Variants in NEDD4L observed in about 807,000 individuals in gnomAD.
The protein encoded by NEDD4L is NEDD4 like E3 ubiquitin protein ligase.
A neutral mutation model predicts 148.9 loss-of-function variants in NEDD4L; 54 were observed. The observed-to-expected ratio is 0.36, with a 90% CI of 0.29 to 0.45. NEDD4L has a LOEUF of 0.45. NEDD4L is among the 20% of genes least tolerant of loss of function. The probability of loss-of-function intolerance (pLI) is 1.00; values close to 1 mark genes in which losing one functional copy is unlikely to be tolerated. For missense variants in NEDD4L, 856 were observed against 1,233.8 expected (o/e 0.69, Z 4.59); for synonymous variants, 433 against 440.7 (o/e 0.98, Z 0.22).
intron 2 of NEDD4L, chr18:58,195,811 G>C (rs752540307): frequency 1.1e-5 from 10 of 923,204 alleles, no homozygotes; most frequent in Non-Finnish European, 1.6e-5. Flanking sequence ...CTCTTACCGT[G>C]AATCCATTAG....
In NEDD4L at chr18:58,195,700, C is replaced by A. The variant is rs763644482; in HGVS notation, c.122+29839C>A. 31 of 1,352,096 alleles carry A rather than the reference C, an allele frequency of 2.3e-5. No individual in the cohort carries two copies. In the South Asian group the frequency reaches 3.2e-4, roughly 14 times the overall value. The allele number at this position is 1,352,096 out of a possible 1,614,324, so 83.8% of individuals were successfully genotyped here. A position where few individuals can be genotyped will look rare whatever the true frequency, so the allele number is the denominator to read the frequency against. ...CTAGACCTGCCTCTCTCTCCGCTCCCCACTTCAGACGAGCTCTTCCTGCCT... is the reference window on the plus strand; with the variant it reads ...CTAGACCTGCCTCTCTCTCCGCTCCACACTTCAGACGAGCTCTTCCTGCCT... On this transcript the variant is annotated intron_variant, in intron 2 of 30. Coordinates refer to ENST00000400345, the MANE Select transcript of NEDD4L (RefSeq NM_001144967.3).
intron 5 of NEDD4L, among the ~76,000 whole-genome samples, chr18:58,294,952 T>C (rs978559281): frequency 6.6e-6 from 1 of 152,250 alleles, no homozygotes; most frequent in Admixed American, 6.5e-5. Context: ...CTTTTTAAAC[T>C]GACTTTATTT....
rs2050709530 is a variant in NEDD4L at position 58,399,433 on chromosome 18, G to A, written c.*3164G>A. The A allele has an allele frequency of 6.6e-6, 1 of 152,210 alleles. No individual in the cohort carries two copies. Among genetic ancestry groups the A allele is most frequent in the Admixed American group, 6.5e-5 (1 of 15,274 alleles). The allele number at this position is 152,210 out of a possible 1,614,324, so 9.4% of individuals were successfully genotyped here. On this transcript the variant is annotated 3_prime_UTR_variant, in exon 31 of 31. Coordinates refer to ENST00000400345, the MANE Select transcript of NEDD4L (RefSeq NM_001144967.3). Reference sequence around the variant, plus strand: ...TATTCCCTAAATTCAGACAATGAGGGATACAGAGCGACTTGGCATGTATTA... The same window carrying A: ...TATTCCCTAAATTCAGACAATGAGGAATACAGAGCGACTTGGCATGTATTA...
At chr18:58,371,243 C>T (rs1290850882) in intron 23 of NEDD4L, among the ~76,000 whole-genome samples, 3 of 107,778 alleles carry the variant, frequency 2.8e-5, no homozygotes, top group Middle Eastern at 8.8e-3. Flanking sequence ...TTAGTAGAAA[C>T]GAGGTTTCGC....
intron 30 of NEDD4L, among the ~76,000 whole-genome samples, chr18:58,394,685 G>A (rs926140526): frequency 1.3e-5 from 2 of 152,230 alleles, no homozygotes; most frequent in African/African-American, 4.8e-5. Context: ...TTAGTGTTTA[G>A]TGGCTGTTAG....
intron 2 of NEDD4L, among the ~76,000 whole-genome samples, chr18:58,242,472 T>C (rs1341227280): frequency 6.6e-6 from 1 of 151,884 alleles, no homozygotes. Context: ...GCACCCGTTC[T>C]CCCCCTCTTC....
At chr18:58,355,882 A>G (rs894601588) in intron 18 of NEDD4L, among the ~76,000 whole-genome samples, 1 of 151,940 alleles carries the variant, frequency 6.6e-6, no homozygotes, top group African/African-American at 2.4e-5. Context: ...TATGGTCATT[A>G]AAACAGAATT....
At chr18:58,127,388 G>A (rs2031307503) in intron 1 of NEDD4L, among the ~76,000 whole-genome samples, 1 of 152,184 alleles carries the variant, frequency 6.6e-6, no homozygotes, top group Non-Finnish European at 1.5e-5. Context: ...GGTTCAGGAT[G>A]ATACCTTTGC....
Position 58,341,098 on chromosome 18 carries a change from G to C in NEDD4L, c.1186G>C (p.Asp396His). The change falls in exon 14 of 31, where the codon GAT (aspartate) becomes CAT (histidine). Residue 396 changes from aspartate (D) to histidine (H), a missense_variant. This residue lies in a region of NEDD4L where 367 missense variants were observed against 422.7 expected (regional missense o/e 0.87). Transcript: ENST00000400345. The part of the protein sequence containing the change: ...GLPSGWEERK[D>H]AKGRTYYVNH... Reference sequence around the variant, plus strand: ...GCCTTCAGGCTGGGAAGAAAGAAAAGATGCTAAGGGGCGCACATACTATGT... The same window carrying C: ...GCCTTCAGGCTGGGAAGAAAGAAAACATGCTAAGGGGCGCACATACTATGT... 1 of 1,612,102 alleles carries C rather than the reference G, an allele frequency of 6.2e-7. No homozygotes were observed. The highest frequency in any genetic ancestry group is 8.5e-7 in the Non-Finnish European group (1 of 1,179,128).
intron 5 of NEDD4L, among the ~76,000 whole-genome samples, chr18:58,278,710 C>G (rs2052540526): frequency 6.6e-6 from 1 of 152,186 alleles, no homozygotes; most frequent in South Asian, 2.1e-4. Flanking sequence ...AGCCCCCTCA[C>G]TCTGCCCTGT....
chr18:58,299,450 A>T (rs1316715396), intron 5 of NEDD4L, among the ~76,000 whole-genome samples: 1 of 152,254 alleles, frequency 6.6e-6, no homozygotes, highest in Admixed American at 6.5e-5. Context: ...TGACAGATTG[A>T]CGCCTGAAAA....
intron 4 of NEDD4L, among the ~76,000 whole-genome samples, chr18:58,249,935 A>C (rs2047697073): frequency 6.6e-6 from 1 of 152,240 alleles, no homozygotes; most frequent in Non-Finnish European, 1.5e-5. Context: ...TGAAAAGCTA[A>C]TAGGAGCTGA....
At chr18:58,196,710 CTT>C (rs544883000) in intron 2 of NEDD4L, among the ~76,000 whole-genome samples, 330 of 114,378 alleles carry the variant, frequency 2.9e-3, no homozygotes, top group African/African-American at 8.7e-3. Flanking sequence ...CTCTCTCTCT[CTT>C]TTTTTTTTTT....
intron 10 of NEDD4L, 148 bp downstream of exon 10, chr18:58,329,275 TATTA>T: frequency 1.0e-6 from 1 of 959,756 alleles, no homozygotes; most frequent in East Asian, 2.6e-5. Context: ...ACCATCTGAA[TATTA>T]ATTTGAAAGT....
chr18:58,333,357 C>T (rs2041281403), intron 11 of NEDD4L, among the ~76,000 whole-genome samples: 1 of 151,700 alleles, frequency 6.6e-6, no homozygotes, highest in Non-Finnish European at 1.5e-5. Context: ...CTGAGCTCCT[C>T]TGAATATAGG....
intron 2 of NEDD4L, among the ~76,000 whole-genome samples, chr18:58,197,414 C>G (rs1442921962): frequency 6.6e-6 from 1 of 152,040 alleles, no homozygotes; most frequent in Non-Finnish European, 1.5e-5. Flanking sequence ...AAACGGGGCC[C>G]CCTCCTGAGA....
chr18:58,249,616 T>C (rs1366448046), intron 4 of NEDD4L, among the ~76,000 whole-genome samples: 4 of 152,238 alleles, frequency 2.6e-5, no homozygotes, highest in African/African-American at 9.6e-5. Flanking sequence ...AAGGACTTTC[T>C]CTTCAAAACG....
intron 2 of NEDD4L, among the ~76,000 whole-genome samples, chr18:58,215,166 T>G (rs761638361): frequency 1.3e-5 from 2 of 152,172 alleles, no homozygotes; most frequent in Non-Finnish European, 2.9e-5. Flanking sequence ...GTTCCCATAG[T>G]TGAATTCCTG....
At chr18:58,254,268 C>G (rs1200174776) in intron 5 of NEDD4L, among the ~76,000 whole-genome samples, 3 of 152,104 alleles carry the variant, frequency 2.0e-5, no homozygotes, top group Admixed American at 6.5e-5. Flanking sequence ...TTTTCCCCTC[C>G]TATTTTTTTT....
Sources: allele counts gnomAD v4.1 joint callset (sites outside exome capture counted in the v4.1 genomes callset), GRCh38; gene constraint gnomAD v4.1.1; regional missense constraint gnomAD v4.1.1; transcripts MANE v1.5; gene names NCBI Gene and HGNC (gene_info 2026-07-23, HGNC 2026-07-21).